Variants in HMCN2 observed in about 807,000 individuals in gnomAD.
The protein encoded by HMCN2 is hemicentin-2.
In HMCN2, 325 loss-of-function variants were observed where a neutral mutation model predicts 377.5. The observed-to-expected ratio is 0.86, with a 90% CI of 0.79 to 0.94. HMCN2 has a LOEUF of 0.94. HMCN2 is among the 40% of genes least tolerant of loss of function. HMCN2 has a pLI of 0.00. For synonymous variants in HMCN2, 2,007 were observed against 2,046.8 expected, an observed-to-expected ratio of 0.98 and a Z score of 0.53; for missense variants, 4,543 against 4,725.3, an observed-to-expected ratio of 0.96 and a Z score of 1.13.
At chr9:130,350,661 C>G (rs1839661089) in intron 29 of HMCN2, among the ~76,000 whole-genome samples, 1 of 151,754 alleles carries the variant, frequency 6.6e-6, no homozygotes, top group East Asian at 1.9e-4. Context: ...CTGAGGTGGG[C>G]AGATCACGAG....
At chr9:130,419,159 T>C in intron 86 of HMCN2, 118 bp downstream of exon 86, 1 of 1,053,016 alleles carries the variant, frequency 9.5e-7, no homozygotes, top group East Asian at 2.9e-5. Flanking sequence ...ACCTCTTCCC[T>C]TTGCTTCATC....
intron 22 of HMCN2, among the ~76,000 whole-genome samples, chr9:130,332,306 A>G (rs1420497699): frequency 4.6e-5 from 7 of 152,200 alleles, no homozygotes; most frequent in South Asian, 4.1e-4. Flanking sequence ...AGGAAGGAGC[A>G]TGGTCGCACA....
intron 4 of HMCN2, among the ~76,000 whole-genome samples, chr9:130,290,384 G>C (rs1232854427): frequency 6.6e-6 from 1 of 152,214 alleles, no homozygotes; most frequent in Non-Finnish European, 1.5e-5. Flanking sequence ...GAATTGCCGA[G>C]CATCTTCCCT....
At chr9:130,330,348 C>T (rs1226711888) in intron 22 of HMCN2, among the ~76,000 whole-genome samples, 1 of 152,152 alleles carries the variant, frequency 6.6e-6, no homozygotes, top group Non-Finnish European at 1.5e-5. Context: ...TGAGCCTCTG[C>T]GGCCCCCTCC....
chr9:130,377,853 T>C (rs2131621419), intron 53 of HMCN2, 54 bp downstream of exon 53: 1 of 983,922 alleles, frequency 1.0e-6, no homozygotes, highest in Non-Finnish European at 1.2e-6. Context: ...GAGGACATTG[T>C]GGGGCTGGCC....
rs144854910 is a variant in HMCN2 at position 130,387,587 on chromosome 9, G to T, written c.9392-822G>T. 3.5e-4 allele frequency among the ~76,000 whole-genome samples: 53 copies of T among 152,344 alleles called. No homozygotes were observed. The East Asian group carries it at 9.6e-3, about 28-fold the overall frequency. On this transcript the variant is annotated intron_variant, in intron 61 of 97. Coordinates refer to ENST00000683500, the MANE Select transcript of HMCN2 (RefSeq NM_001291815.2). ...TCCATTAGTGAGCGCTCAGGCAGCTGGCTGCAGGGGACACTGGGAAATGTA... is the reference window on the plus strand; with the variant it reads ...TCCATTAGTGAGCGCTCAGGCAGCTTGCTGCAGGGGACACTGGGAAATGTA...
At position 130,303,052 on chromosome 9, in the gene HMCN2, C is replaced by T; in HGVS notation, c.1421+51C>T. 2.3e-6 allele frequency: 1 copy of T among 440,682 alleles called. No individual in the cohort carries two copies. The highest frequency in any genetic ancestry group is 4.7e-6 in the Non-Finnish European group (1 of 211,434). The allele number at this position is 440,682 out of a possible 1,614,324, so 27.3% of individuals were successfully genotyped here. Reference sequence around the variant, plus strand: ...TCCCCAGCCACAGGGCTCCTGGCTGCTGAGGCCCTGGAGGGATCTCAGGGG... The same window carrying T: ...TCCCCAGCCACAGGGCTCCTGGCTGTTGAGGCCCTGGAGGGATCTCAGGGG... On this transcript the variant is annotated intron_variant, in intron 9 of 97. Coordinates refer to ENST00000683500, the MANE Select transcript of HMCN2 (RefSeq NM_001291815.2). This position sits in a 1 kb window ranked among gnomAD's most constrained non-coding sequence, Gnocchi z 5.2.
chr9:130,292,334 A>G (rs1554930345), intron 4 of HMCN2, among the ~76,000 whole-genome samples: 1 of 152,200 alleles, frequency 6.6e-6, no homozygotes, highest in Non-Finnish European at 1.5e-5. Context: ...TAACAGTTTT[A>G]GCATCCACTG....
chr9:130,407,379 T>A (rs542119557), intron 82 of HMCN2, 192 bp from the exon 83 acceptor site: 2 of 364,582 alleles, frequency 5.5e-6, no homozygotes, highest in South Asian at 4.3e-5. Context: ...TGGAAGATGG[T>A]AGAAGGCAGG....
chr9:130,270,305 TTCCCTA>T (rs1564733465), intron 1 of HMCN2, among the ~76,000 whole-genome samples: 1 of 142,358 alleles, frequency 7.0e-6, no homozygotes, highest in Admixed American at 7.0e-5. Context: ...GTTTTTTTTT[TTCCCTA>T]TCACAAAACC....
intron 45 of HMCN2, among the ~76,000 whole-genome samples, chr9:130,370,517 C>T (rs1000469519): frequency 3.9e-5 from 6 of 152,180 alleles, no homozygotes; most frequent in Admixed American, 2.0e-4. Flanking sequence ...CCCAACACCC[C>T]CACCCCCCTG....
At chr9:130,415,771 C>T (rs377162891) in intron 85 of HMCN2, among the ~76,000 whole-genome samples, 17 of 152,346 alleles carry the variant, frequency 1.1e-4, no homozygotes, top group Admixed American at 2.6e-4. Flanking sequence ...CCAGCCTGTC[C>T]GTGGCTCCTT....
chr9:130,431,407 C>T lies in HMCN2; in HGVS notation c.14688C>T (p.Ala4896=). 6.5e-7 allele frequency: 1 copy of T among 1,550,240 alleles called. No homozygotes were observed. Among genetic ancestry groups the T allele is most frequent in the South Asian group, 1.2e-5 (1 of 84,058 alleles). ...GCGTGAGGAACCTGTGTCAGCACGC[C>T]TGCCGCAACACTGAGGGCAGCTACC... The part of the protein sequence containing the change: ...ECRVRNLCQH[A]CRNTEGSYQC... Residue 4896 remains alanine, a synonymous_variant, in exon 96 of 98, where the codon GCC becomes GCT. Coordinates refer to ENST00000683500, the MANE Select transcript of HMCN2 (RefSeq NM_001291815.2).
chr9:130,424,799 G>A lies in HMCN2; in HGVS notation c.13405G>A (p.Val4469Ile). Residue 4469 changes from valine to isoleucine, a missense_variant, in exon 88 of 98, where the codon GTC (valine) becomes ATC (isoleucine). By Grantham distance (29) the Val-to-Ile change is conservative. Transcript: ENST00000683500. ...AGGGCCTCTGATGCGGGTGCTCGTGGTCACCATCGCCCCCATCTACTGGGC... is the reference window on the plus strand; with the variant it reads ...AGGGCCTCTGATGCGGGTGCTCGTGATCACCATCGCCCCCATCTACTGGGC... ...NVGPLMRVLV[V>I]TIAPIYWALA... is the part of the protein sequence containing the mutation. The A allele has an allele frequency of 1.9e-6, 3 of 1,540,710 alleles. No homozygotes were observed. Among genetic ancestry groups the A allele is most frequent in the Non-Finnish European group, 2.6e-6 (3 of 1,141,242 alleles).
Position 130,310,096 on chromosome 9 carries a change from A to G in HMCN2, c.2350+35A>G, listed in dbSNP as rs782010249. On this transcript the variant is annotated intron_variant, in intron 15 of 97. Coordinates refer to ENST00000683500, the MANE Select transcript of HMCN2 (RefSeq NM_001291815.2). ...TACCTTGTCTCCCCCTCCCCTGCCCATTCCCCTTTCCCAGCCCTCTGCCTG... is the reference window on the plus strand; with the variant it reads ...TACCTTGTCTCCCCCTCCCCTGCCCGTTCCCCTTTCCCAGCCCTCTGCCTG... 10 of 491,452 alleles carry G rather than the reference A, an allele frequency of 2.0e-5. 1 individual carries two copies. Among genetic ancestry groups the G allele is most frequent in the South Asian group, 1.5e-4 (10 of 65,310 alleles). 30.4% of individuals were successfully genotyped at this position (491,452 alleles called of 1,614,324 possible).
intron 1 of HMCN2, among the ~76,000 whole-genome samples, chr9:130,274,710 A>G (rs1554922420): frequency 1.3e-5 from 2 of 152,202 alleles, no homozygotes; most frequent in African/African-American, 4.8e-5. Context: ...CACTCGTGTT[A>G]AACATACCTA....
chr9:130,312,601 T>C (rs1217088640), intron 15 of HMCN2, among the ~76,000 whole-genome samples: 2 of 115,658 alleles, frequency 1.7e-5, no homozygotes, highest in African/African-American at 6.6e-5. Context: ...TCTTTCTTTC[T>C]TTCTTTCTTT....
chr9:130,377,658 C>A lies in HMCN2; in HGVS notation c.8071C>A (p.Pro2691Thr). 5 of 985,976 alleles carry A rather than the reference C, an allele frequency of 5.1e-6. No individual in the cohort carries two copies. Among genetic ancestry groups the A allele is most frequent in the Non-Finnish European group, 6.0e-6 (5 of 829,980 alleles). The allele number at this position is 985,976 out of a possible 1,614,324, so 61.1% of individuals were successfully genotyped here. The change falls in exon 53 of 98, where the codon CCC (proline) becomes ACC (threonine). Residue 2691 changes from proline to threonine, a missense_variant. Around this residue, in one of 5 missense-constraint regions of HMCN2, gnomAD observed 736 missense variants for 773.2 expected, o/e 0.95. Transcript: ENST00000683500. Reference sequence around the variant, plus strand: ...CTCATCCTCCTCACAGCCCGTGACCCCCAGCTCGCGGCTGCAGGTCCTGGG... The same window carrying A: ...CTCATCCTCCTCACAGCCCGTGACCACCAGCTCGCGGCTGCAGGTCCTGGG... ...RWYKDGQPVT[P>T]SSRLQVLGEG...
chr9:130,361,936 C>T lies in HMCN2; in HGVS notation c.5951-72C>T, dbSNP rs144045727. 107 of 949,542 alleles carry T rather than the reference C, an allele frequency of 1.1e-4. No homozygotes were observed. The East Asian group carries it at 0.01, about 92-fold the overall frequency. The allele number at this position is 949,542 out of a possible 1,614,324, so 58.8% of individuals were successfully genotyped here. ...GTGGCTGTGTGCTCCTGCAGGGGTG[C>T]CCAGCCAGGGGCCCTGCCTGCTTTG... On this transcript the variant is annotated intron_variant, in intron 38 of 97. Coordinates refer to ENST00000683500, the MANE Select transcript of HMCN2 (RefSeq NM_001291815.2). The surrounding 1 kb of genome is among the most constrained non-coding windows in gnomAD (Gnocchi z 4.8).
Sources: allele counts gnomAD v4.1 joint callset (sites outside exome capture counted in the v4.1 genomes callset), GRCh38; gene constraint gnomAD v4.1.1; regional missense constraint gnomAD v4.1.1; non-coding constraint Gnocchi (gnomAD v3.1); transcripts MANE v1.5; gene names NCBI Gene and HGNC (gene_info 2026-07-23, HGNC 2026-07-21).